The following ASPH variants were observed in gnomAD, a reference collection of about 807,000 sequenced individuals.
The protein encoded by ASPH is aspartyl/asparaginyl beta-hydroxylase.
ASPH carries 100 observed loss-of-function variants against 118.4 expected under a neutral mutation model. The ratio of observed to expected loss-of-function variants is 0.84; its 90% CI spans 0.72 to 1.00. The LOEUF is 1.00. Ranked by LOEUF, ASPH falls within the 50% of genes least tolerant of loss-of-function variation. The pLI, the probability that ASPH is intolerant of heterozygous loss-of-function variation, is 0.00. For missense variants in ASPH, 920 were observed against 919.5 expected, an observed-to-expected ratio of 1.00 and a Z score of -0.01; for synonymous variants, 315 against 325.6, an observed-to-expected ratio of 0.97 and a Z score of 0.35.
chr8:61,681,674 A>C (rs1335580048), intron 2 of ASPH, among the ~76,000 whole-genome samples: 1 of 151,880 alleles, frequency 6.6e-6, no homozygotes, highest in Non-Finnish European at 1.5e-5. Context: ...ACTTATGATT[A>C]TTCTACTTAA....
chr8:61,674,669 C>T (rs567138470), intron 3 of ASPH, among the ~76,000 whole-genome samples: 2 of 152,274 alleles, frequency 1.3e-5, no homozygotes, highest in East Asian at 3.9e-4. Context: ...CTTGAGGCTG[C>T]TACTTTCAGG....
At chr8:61,512,781 GAT>G (rs1199469089) in intron 24 of ASPH, among the ~76,000 whole-genome samples, 1 of 152,156 alleles carries the variant, frequency 6.6e-6, no homozygotes, top group African/African-American at 2.4e-5. Context: ...GTTTGACACA[GAT>G]ATAATTTTGG....
chr8:61,670,078 A>G (rs1004196615), intron 3 of ASPH, among the ~76,000 whole-genome samples: 1 of 152,120 alleles, frequency 6.6e-6, no homozygotes, highest in Non-Finnish European at 1.5e-5. Flanking sequence ...ATTTTTCAAT[A>G]TTTTTGACAT....
chr8:61,665,439 C>G lies in ASPH; in HGVS notation c.323-11779G>C, dbSNP rs1236122813. 2.2e-5 allele frequency: 35 copies of G among 1,591,188 alleles called. No homozygotes were observed. Among genetic ancestry groups the G allele is most frequent in the Non-Finnish European group, 2.7e-5 (32 of 1,167,008 alleles). On this transcript the variant is annotated intron_variant, in intron 3 of 24. Coordinates refer to ENST00000379454, the MANE Select transcript of ASPH (RefSeq NM_004318.4). ...AGGTCCACTTTCTCTTTTTCTCTGT[C>G]CTTTTTACCCTTAGGAGACTCCTTC...
At chr8:61,687,936 T>A (rs1261314413) in intron 1 of ASPH, among the ~76,000 whole-genome samples, 1 of 152,160 alleles carries the variant, frequency 6.6e-6, no homozygotes, top group Non-Finnish European at 1.5e-5. Context: ...AAATACTAAG[T>A]TATGGAAGGG....
At chr8:61,585,088 G>A (rs555557434) in intron 14 of ASPH, among the ~76,000 whole-genome samples, 4 of 152,294 alleles carry the variant, frequency 2.6e-5, no homozygotes, top group South Asian at 4.1e-4. Flanking sequence ...GTGGTACCGT[G>A]TCTTAAAAGC....
chr8:61,630,513 A>G (rs1229014288), intron 13 of ASPH, among the ~76,000 whole-genome samples: 1 of 152,236 alleles, frequency 6.6e-6, no homozygotes, highest in Non-Finnish European at 1.5e-5. Context: ...GGTTAAAAAT[A>G]CGGCCATGTG....
At chr8:61,648,741 T>A (rs1809347041) in intron 5 of ASPH, among the ~76,000 whole-genome samples, 1 of 152,184 alleles carries the variant, frequency 6.6e-6, no homozygotes, top group African/African-American at 2.4e-5. Context: ...AGCTGTTATA[T>A]CCTCCCTGTG....
At chr8:61,638,691 A>T (rs766725440) in intron 10 of ASPH, among the ~76,000 whole-genome samples, 49 of 152,282 alleles carry the variant, frequency 3.2e-4, no homozygotes, top group Non-Finnish European at 4.4e-4. Flanking sequence ...TCATGGGCAG[A>T]TTCCCTGCTT....
intron 6 of ASPH, 37 bp from the exon 7 acceptor site, chr8:61,644,669 T>C (rs1177903783): frequency 1.3e-6 from 2 of 1,534,700 alleles, no homozygotes; most frequent in Admixed American, 3.6e-5. Context: ...TTTACTGCTT[T>C]TACAAAATGG....
At chr8:61,693,972 G>A (rs951394397) in intron 1 of ASPH, among the ~76,000 whole-genome samples, 3 of 152,106 alleles carry the variant, frequency 2.0e-5, no homozygotes, top group South Asian at 2.1e-4. Flanking sequence ...TCAAGATCAG[G>A]AACTGAACAC....
intron 18 of ASPH, 71 bp downstream of exon 18, chr8:61,562,673 G>T: frequency 7.3e-7 from 1 of 1,366,724 alleles, no homozygotes; most frequent in Non-Finnish European, 9.8e-7. Flanking sequence ...GAGAGACTGG[G>T]TATAATAAAT....
chr8:61,659,792 A>G (rs778669812), intron 3 of ASPH: 1 of 152,194 alleles, frequency 6.6e-6, no homozygotes, highest in Non-Finnish European at 1.5e-5. Context: ...AAACACAAAA[A>G]CTTTCCTTTT....
intron 1 of ASPH, among the ~76,000 whole-genome samples, chr8:61,712,315 A>G (rs554449655): frequency 1.5e-3 from 222 of 152,346 alleles, no homozygotes; most frequent in Non-Finnish European, 2.9e-3. Flanking sequence ...ACTATACACG[A>G]CACTGTACTT....
chr8:61,707,408 G>A (rs1219296567), intron 1 of ASPH, among the ~76,000 whole-genome samples: 1 of 152,180 alleles, frequency 6.6e-6, no homozygotes, highest in Non-Finnish European at 1.5e-5. Flanking sequence ...CTACTTCACA[G>A]CCACTCAACT....
chr8:61,548,588 T>A (rs997198711), intron 20 of ASPH, among the ~76,000 whole-genome samples: 11 of 152,204 alleles, frequency 7.2e-5, no homozygotes, highest in Non-Finnish European at 7.3e-5. Context: ...AAAAAGATTA[T>A]GATTTTAATA....
At chr8:61,631,066 T>C (rs1156871194) in intron 13 of ASPH, among the ~76,000 whole-genome samples, 1 of 152,148 alleles carries the variant, frequency 6.6e-6, no homozygotes, top group Non-Finnish European at 1.5e-5. Context: ...GCTTATAAAA[T>C]AAGGATATAA....
rs533576078 is a variant in ASPH at position 61,579,644 on chromosome 8, C to T, written c.1063-2786G>A. 268 of 1,497,402 alleles carry T rather than the reference C, an allele frequency of 1.8e-4. 3 individuals are homozygous for T. In the South Asian group the frequency reaches 2.5e-3, roughly 14 times the overall value. The allele number at this position is 1,497,402 out of a possible 1,614,324, so 92.8% of individuals were successfully genotyped here. ...AGACATGTGATGGGAAGCTGGTGTCCGAGTCCTCTGACATCCTGCCCAAGT... is the reference window on the plus strand; with the variant it reads ...AGACATGTGATGGGAAGCTGGTGTCTGAGTCCTCTGACATCCTGCCCAAGT... On this transcript the variant is annotated intron_variant, in intron 15 of 24. Transcript: ENST00000379454.
intron 14 of ASPH, among the ~76,000 whole-genome samples, chr8:61,613,718 G>A (rs930990180): frequency 3.9e-5 from 6 of 152,148 alleles, no homozygotes; most frequent in African/African-American, 9.7e-5. Flanking sequence ...GAAGTGGAGC[G>A]ATTAGGAAGA....
Sources: allele counts gnomAD v4.1 joint callset (sites outside exome capture counted in the v4.1 genomes callset), GRCh38; gene constraint gnomAD v4.1.1; transcripts MANE v1.5; gene names NCBI Gene and HGNC (gene_info 2026-07-23, HGNC 2026-07-21).